Variants in SFMBT2 observed in about 807,000 individuals in gnomAD.
SFMBT2 encodes the protein Scm like with four mbt domains 2, also known as scm-like with four MBT domains protein 2.
Under a neutral mutation model 110.1 loss-of-function variants are expected in SFMBT2, and 38 were observed. The observed-to-expected ratio is 0.35, with a 90% confidence interval of 0.27 to 0.45. SFMBT2 has a LOEUF of 0.45. SFMBT2 is among the 20% of genes least tolerant of loss of function. The pLI is 1.00. For synonymous variants in SFMBT2, 425 were observed against 425.4 expected (o/e 1.00, Z 0.01); for missense variants, 1,011 against 1,094.9 (o/e 0.92, Z 1.08).
intron 3 of SFMBT2, among the ~76,000 whole-genome samples, chr10:7,368,829 G>C (rs1844985772): frequency 6.6e-6 from 1 of 152,156 alleles, no homozygotes; most frequent in Non-Finnish European, 1.5e-5. Context: ...ATGCTTGAAA[G>C]CTTTGCTATG....
At chr10:7,169,749 T>C (rs767731141) in intron 20 of SFMBT2, among the ~76,000 whole-genome samples, 2 of 152,150 alleles carry the variant, frequency 1.3e-5, no homozygotes, top group African/African-American at 4.8e-5. Flanking sequence ...GTGTGCAGAG[T>C]GGCAACTTGT....
intron 7 of SFMBT2, among the ~76,000 whole-genome samples, chr10:7,272,336 A>T (rs1804969609): frequency 6.6e-6 from 1 of 152,234 alleles, no homozygotes; most frequent in African/African-American, 2.4e-5. Flanking sequence ...GATGAAGAAG[A>T]AGTGAGTAAT....
chr10:7,324,447 C>T (rs1373356338), intron 4 of SFMBT2, among the ~76,000 whole-genome samples: 1 of 152,142 alleles, frequency 6.6e-6, no homozygotes, highest in Admixed American at 6.5e-5. Context: ...GGAGACCAGG[C>T]AGGGGAGCTC....
chr10:7,381,785 A>C lies in SFMBT2; in HGVS notation c.100+14T>G, dbSNP rs370504214. ...CATCAAAAATCCAGATGAATCTCGA[A>C]AACAAAATCCTACCAGAATCAAGGT... On this transcript the variant is annotated intron_variant, in intron 2 of 20. Transcript: ENST00000397167. The C allele has an allele frequency of 3.9e-5, 62 of 1,608,318 alleles. No homozygotes were observed. The highest frequency in any genetic ancestry group is 6.8e-5 in the Admixed American group (4 of 58,532).
At chr10:7,331,853 T>C (rs1031207930) in intron 4 of SFMBT2, among the ~76,000 whole-genome samples, 1 of 151,396 alleles carries the variant, frequency 6.6e-6, no homozygotes, top group Non-Finnish European at 1.5e-5. Flanking sequence ...AAAAAAACAA[T>C]ACAAAAATTA....
intron 4 of SFMBT2, among the ~76,000 whole-genome samples, chr10:7,303,639 T>C (rs1230135002): frequency 6.6e-6 from 1 of 152,172 alleles, no homozygotes; most frequent in African/African-American, 2.4e-5. Flanking sequence ...TGTCAGTATA[T>C]CCAGTATTTC....
intron 15 of SFMBT2, among the ~76,000 whole-genome samples, chr10:7,191,312 T>C (rs1838594245): frequency 6.6e-6 from 1 of 152,202 alleles, no homozygotes; most frequent in Non-Finnish European, 1.5e-5. Flanking sequence ...AACTGTCTTA[T>C]CCAGATGCCT....
intron 15 of SFMBT2, among the ~76,000 whole-genome samples, chr10:7,192,230 T>C (rs1426780904): frequency 1.3e-5 from 2 of 152,162 alleles, no homozygotes; most frequent in Non-Finnish European, 2.9e-5. Context: ...AAGAGGCCTG[T>C]CTGCATCTGT....
At chr10:7,388,834 G>A (rs1554813842) in intron 1 of SFMBT2, among the ~76,000 whole-genome samples, 3 of 152,282 alleles carry the variant, frequency 2.0e-5, no homozygotes, top group Non-Finnish European at 1.5e-5. Flanking sequence ...CTCTGCAGAT[G>A]GAGTGGATGT....
chr10:7,362,087 A>C (rs1290488129), intron 4 of SFMBT2, among the ~76,000 whole-genome samples: 1 of 152,132 alleles, frequency 6.6e-6, no homozygotes, highest in East Asian at 1.9e-4. Flanking sequence ...ACTAAACCAA[A>C]ACGTTTTACA....
chr10:7,377,692 G>A (rs1015646419), intron 2 of SFMBT2, among the ~76,000 whole-genome samples: 7 of 152,140 alleles, frequency 4.6e-5, no homozygotes, highest in Non-Finnish European at 1.0e-4. Flanking sequence ...TGCCGCTGCT[G>A]ATCTGACAGG....
rs1842549897 is a variant in SFMBT2, at chr10:7,301,302, G to T, written c.437-15348C>A. 6.6e-6 allele frequency among the ~76,000 whole-genome samples: 1 copy of T among 152,226 alleles called. No individual in the cohort carries two copies. On this transcript the variant is annotated intron_variant, in intron 4 of 20. Transcript: ENST00000397167. This position sits in a 1 kb window ranked among gnomAD's most constrained non-coding sequence, Gnocchi z 4.2. The stretch of plus-strand genomic sequence containing the variant: ...CACTAGTAACTAGCAAGACACTATG[G>T]ACTAGTTGCCAGTCCCTCTACAGGG...
intron 15 of SFMBT2, among the ~76,000 whole-genome samples, chr10:7,194,811 C>T (rs1446402743): frequency 7.2e-5 from 11 of 152,208 alleles, no homozygotes; most frequent in Non-Finnish European, 1.6e-4. Context: ...CTGCTCTGGA[C>T]TCGGCTTTAA....
intron 4 of SFMBT2, among the ~76,000 whole-genome samples, chr10:7,324,307 G>C (rs1221708428): frequency 6.6e-6 from 1 of 152,138 alleles, no homozygotes; most frequent in Non-Finnish European, 1.5e-5. Context: ...CGCATATTCA[G>C]CTTATGAGAA....
At chr10:7,174,123 G>A (rs1462728987) in intron 17 of SFMBT2, among the ~76,000 whole-genome samples, 3 of 152,306 alleles carry the variant, frequency 2.0e-5, no homozygotes, top group Admixed American at 6.5e-5. Context: ...CGGGAGCCCC[G>A]GCCTGTTCTC....
intron 13 of SFMBT2, among the ~76,000 whole-genome samples, chr10:7,201,329 G>C (rs1838947871): frequency 6.6e-6 from 1 of 152,228 alleles, no homozygotes; most frequent in African/African-American, 2.4e-5. Flanking sequence ...CCAGCAATCT[G>C]TGTGCTCCAA....
At chr10:7,329,084 T>G (rs554914221) in intron 4 of SFMBT2, among the ~76,000 whole-genome samples, 5 of 152,376 alleles carry the variant, frequency 3.3e-5, no homozygotes, top group African/African-American at 9.6e-5. Flanking sequence ...TGGCTCGTTA[T>G]TTTGTAAGCA....
chr10:7,404,077 T>G (rs1846151516), intron 1 of SFMBT2, among the ~76,000 whole-genome samples: 1 of 152,148 alleles, frequency 6.6e-6, no homozygotes, highest in Non-Finnish European at 1.5e-5. Context: ...CCCACACATA[T>G]GTATGATTAG....
chr10:7,259,894 CT>C (rs1293493357), intron 7 of SFMBT2, among the ~76,000 whole-genome samples: 7 of 152,224 alleles, frequency 4.6e-5, no homozygotes, highest in Non-Finnish European at 1.0e-4. Flanking sequence ...CCAGTCTACA[CT>C]GCAGACCCGG....
Sources: allele counts gnomAD v4.1 joint callset (sites outside exome capture counted in the v4.1 genomes callset), GRCh38; gene constraint gnomAD v4.1.1; non-coding constraint Gnocchi (gnomAD v3.1); transcripts MANE v1.5; gene names NCBI Gene and HGNC (gene_info 2026-07-23, HGNC 2026-07-21).